Variants in RAB11FIP3 observed in about 807,000 individuals in gnomAD.
The protein encoded by RAB11FIP3 is rab11 family-interacting protein 3.
A neutral mutation model predicts 77.8 loss-of-function variants in RAB11FIP3; 17 were observed. The ratio of observed to expected loss-of-function variants is 0.22; its 90% CI spans 0.15 to 0.33. The LOEUF (loss-of-function observed/expected upper bound fraction) is 0.33. RAB11FIP3 is among the 10% of genes least tolerant of loss of function. The probability of loss-of-function intolerance (pLI) is 1.00; values close to 1 mark genes in which losing one functional copy is unlikely to be tolerated. For synonymous variants in RAB11FIP3, 437 were observed against 448.2 expected, an observed-to-expected ratio of 0.98 and a Z score of 0.31; for missense variants, 1,005 against 1,011.2, an observed-to-expected ratio of 0.99 and a Z score of 0.08.
At chr16:494,079 T>C (rs2030877549) in intron 5 of RAB11FIP3, among the ~76,000 whole-genome samples, 1 of 27,154 alleles carries the variant, frequency 3.7e-5, no homozygotes, top group Non-Finnish European at 7.3e-5. Flanking sequence ...AACTTTTGTA[T>C]TTTTAGTAGA....
At chr16:498,678 C>T (rs1392425147) in intron 6 of RAB11FIP3, among the ~76,000 whole-genome samples, 2 of 151,886 alleles carry the variant, frequency 1.3e-5, no homozygotes, top group Non-Finnish European at 2.9e-5. Flanking sequence ...GCCACCATAC[C>T]CAGATGATTT....
In RAB11FIP3 at chr16:520,860, A is replaced by G. The variant is rs759562727; in HGVS notation, c.*21A>G. On this transcript the variant is annotated 3_prime_UTR_variant, in exon 14 of 14. Coordinates refer to ENST00000262305, the MANE Select transcript of RAB11FIP3 (RefSeq NM_014700.4). ...AGTAGAGGCAGGAAGGTCCAGCCTG[A>G]GCTGGATTCGGGACTCCAACACCCT... 3.8e-5 allele frequency: 61 copies of G among 1,595,292 alleles called. No individual in the cohort carries two copies. The highest frequency in any genetic ancestry group is 4.9e-5 in the Non-Finnish European group (57 of 1,163,660).
intron 5 of RAB11FIP3, among the ~76,000 whole-genome samples, chr16:492,745 A>G (rs1298405329): frequency 2.6e-5 from 4 of 152,118 alleles, no homozygotes; most frequent in Non-Finnish European, 5.9e-5. Flanking sequence ...ACATGAAAGT[A>G]AGCCTGAAGA....
At chr16:459,239 G>A (rs753961596) in intron 1 of RAB11FIP3, among the ~76,000 whole-genome samples, 13 of 148,300 alleles carry the variant, frequency 8.8e-5, no homozygotes, top group Non-Finnish European at 1.6e-4. Context: ...CAATTCTCCC[G>A]CCTCAGCCTC....
At chr16:517,555 CCT>C (rs998400788) in intron 9 of RAB11FIP3, among the ~76,000 whole-genome samples, 1 of 151,844 alleles carries the variant, frequency 6.6e-6, no homozygotes, top group African/African-American at 2.4e-5. Context: ...AGAGCGAGAC[CCT>C]CTCTCAAAAA....
chr16:450,294 C>A (rs933140388), intron 1 of RAB11FIP3, among the ~76,000 whole-genome samples: 1 of 152,224 alleles, frequency 6.6e-6, no homozygotes, highest in South Asian at 2.1e-4. Flanking sequence ...CTCACCCTCC[C>A]GAGTAGCTGG....
chr16:445,663 G>A (rs1169521449), intron 1 of RAB11FIP3, among the ~76,000 whole-genome samples: 1 of 152,136 alleles, frequency 6.6e-6, no homozygotes, highest in Non-Finnish European at 1.5e-5. Context: ...CTGGGTTGCT[G>A]TTGGCTCCTG....
At chr16:463,159 A>G (rs2055645008) in intron 2 of RAB11FIP3, among the ~76,000 whole-genome samples, 1 of 152,114 alleles carries the variant, frequency 6.6e-6, no homozygotes, top group African/African-American at 2.4e-5. Context: ...AGCTCTGAAC[A>G]GGCCATCTCA....
chr16:468,987 T>C (rs1284944950), intron 2 of RAB11FIP3, among the ~76,000 whole-genome samples: 4 of 152,200 alleles, frequency 2.6e-5, no homozygotes, highest in African/African-American at 7.2e-5. Flanking sequence ...ATTGAAAGTT[T>C]TTAGTTCTGT....
At chr16:450,658 G>T (rs2055392308) in intron 1 of RAB11FIP3, among the ~76,000 whole-genome samples, 1 of 152,168 alleles carries the variant, frequency 6.6e-6, no homozygotes, top group Non-Finnish European at 1.5e-5. Context: ...TTTTTGTACA[G>T]GGAAGGGACC....
intron 1 of RAB11FIP3, among the ~76,000 whole-genome samples, chr16:434,736 A>G (rs916012508): frequency 1.3e-5 from 2 of 151,996 alleles, no homozygotes; most frequent in Non-Finnish European, 2.9e-5. Context: ...TTTAATGGAA[A>G]CCTAAGGTTT....
intron 4 of RAB11FIP3, among the ~76,000 whole-genome samples, chr16:485,598 A>T (rs139208028): frequency 2.4e-3 from 359 of 152,174 alleles, no homozygotes; most frequent in African/African-American, 8.3e-3. Context: ...GTTTTAGTAG[A>T]GACAGTGTTT....
At chr16:454,911 G>A (rs142683211) in intron 1 of RAB11FIP3, among the ~76,000 whole-genome samples, 3 of 152,032 alleles carry the variant, frequency 2.0e-5, no homozygotes, top group East Asian at 1.9e-4. Context: ...TTAGCGAGGC[G>A]TGGTGGTACG....
At chr16:463,475 G>A (rs1247783238) in intron 2 of RAB11FIP3, among the ~76,000 whole-genome samples, 2 of 98,826 alleles carry the variant, frequency 2.0e-5, no homozygotes, top group Admixed American at 3.2e-4. Flanking sequence ...TTTTGCTCTT[G>A]TTGCCCAAGC....
intron 6 of RAB11FIP3, among the ~76,000 whole-genome samples, chr16:501,353 G>T (rs1459547054): frequency 6.7e-6 from 1 of 148,420 alleles, no homozygotes; most frequent in South Asian, 2.2e-4. Flanking sequence ...CTCGGAGAGG[G>T]TCCCCCCATT....
At chr16:504,665 C>T (rs1427681703) in intron 7 of RAB11FIP3, among the ~76,000 whole-genome samples, 1 of 8,114 alleles carries the variant, frequency 1.2e-4, no homozygotes. Flanking sequence ...CCTCCTGCAC[C>T]CCCCTTACCT....
intron 5 of RAB11FIP3, among the ~76,000 whole-genome samples, chr16:495,819 C>T (rs185565007): frequency 3.3e-5 from 5 of 152,302 alleles, no homozygotes; most frequent in East Asian, 3.9e-4. Flanking sequence ...GGCGTGATCT[C>T]GGCTGACTGC....
chr16:456,550 G>A (rs1260825845), intron 1 of RAB11FIP3, among the ~76,000 whole-genome samples: 1 of 152,144 alleles, frequency 6.6e-6, no homozygotes, highest in African/African-American at 2.4e-5. Context: ...GGGGTCAGGA[G>A]TTCAAGACCA....
rs144154808 is a variant in RAB11FIP3 at position 432,134 on chromosome 16, A to G, written c.714+5414A>G. Among the ~76,000 whole-genome samples the G allele has an allele frequency of 6.4e-3, 970 of 152,202 alleles. 11 individuals carry two copies. Among genetic ancestry groups the G allele is most frequent in the African/African-American group, 0.022 (920 of 41,540 alleles). On this transcript the variant is annotated intron_variant, in intron 1 of 13. Coordinates refer to ENST00000262305, the MANE Select transcript of RAB11FIP3 (RefSeq NM_014700.4). ...GCGGTAACTCACACCTGTCATCCCAACACTTTGGGAGGCCAAGGCGGGTGG... is the reference window on the plus strand; with the variant it reads ...GCGGTAACTCACACCTGTCATCCCAGCACTTTGGGAGGCCAAGGCGGGTGG...
Sources: gnomAD v4.1 joint callset for allele counts (sites outside exome capture counted in the v4.1 genomes callset) on GRCh38, gnomAD v4.1.1 for gene constraint, MANE v1.5 for transcripts, NCBI Gene and HGNC (gene_info 2026-07-23, HGNC 2026-07-21) for gene names.